Variants in DLC1 observed in about 807,000 individuals in gnomAD.
DLC1 encodes rho GTPase-activating protein 7.
In DLC1, 54 loss-of-function variants were observed where a neutral mutation model predicts 140.3. The observed-to-expected ratio is 0.38, with a 90% CI of 0.31 to 0.48. DLC1 has a LOEUF of 0.48. Ranked by LOEUF, DLC1 falls within the 20% of genes least tolerant of loss-of-function variation. DLC1 has a pLI of 0.96. For synonymous variants in DLC1, 986 were observed against 728.1 expected, an observed-to-expected ratio of 1.35 and a Z score of -5.70; for missense variants, 2,536 against 1,907.0, an observed-to-expected ratio of 1.33 and a Z score of -6.14.
At chr8:13,473,480 C>G (rs1158905544) in intron 2 of DLC1, among the ~76,000 whole-genome samples, 1 of 152,024 alleles carries the variant, frequency 6.6e-6, no homozygotes, top group African/African-American at 2.4e-5. Flanking sequence ...TAAATTGGTA[C>G]CAGTAGAGCG....
chr8:13,284,400 G>A (rs565781685), intron 5 of DLC1, among the ~76,000 whole-genome samples: 3 of 152,116 alleles, frequency 2.0e-5, no homozygotes, highest in South Asian at 2.1e-4. Flanking sequence ...GGTGGCGGGC[G>A]CCTGTAATCC....
rs1554509370 is a variant in DLC1 at position 13,382,529 on chromosome 8, A to ATGAAAG, written c.1314+11023_1314+11024insCTTTCA. 2.7e-5 allele frequency among the ~76,000 whole-genome samples: 3 copies of ATGAAAG among 109,432 alleles called. 1 individual carries two copies. The allele number at this position is 109,432 out of a possible 152,430, so 71.8% of individuals were successfully genotyped here. ...TCAAAAAAAAAAAAAAAAAAAAAAA[A>ATGAAAG]AAAGAAAGAGGAGACAGATAAGCTA... On this transcript the variant is annotated intron_variant, in intron 4 of 17. Coordinates refer to ENST00000276297, the MANE Select transcript of DLC1 (RefSeq NM_182643.3).
At chr8:13,530,540 G>A (rs992932123) in intron 1 of DLC1, among the ~76,000 whole-genome samples, 17 of 152,196 alleles carry the variant, frequency 1.1e-4, no homozygotes, top group African/African-American at 4.1e-4. Context: ...TACATGTGTA[G>A]TATATCCTTG....
chr8:13,438,086 A>G lies in DLC1; in HGVS notation c.1024-36467T>C, dbSNP rs535885044. ...AAAATTAACATGTTTTTCTCTTTCAATACTTTTCTCTAAAGCAATGGTTCT... is the reference window on the plus strand; with the variant it reads ...AAAATTAACATGTTTTTCTCTTTCAGTACTTTTCTCTAAAGCAATGGTTCT... On this transcript the variant is annotated intron_variant, in intron 2 of 17. Coordinates refer to ENST00000276297, the MANE Select transcript of DLC1 (RefSeq NM_182643.3). Among the ~76,000 whole-genome samples the G allele has an allele frequency of 3.3e-5, 5 of 151,202 alleles. 1 individual carries two copies. The South Asian group carries it at 6.3e-4, about 19-fold the overall frequency.
At chr8:13,298,034 G>A (rs964150154) in intron 5 of DLC1, among the ~76,000 whole-genome samples, 1 of 151,974 alleles carries the variant, frequency 6.6e-6, no homozygotes, top group African/African-American at 2.4e-5. Flanking sequence ...TTTCCCTTAC[G>A]CATTTGTCAC....
chr8:13,429,364 T>C (rs1838754893), intron 2 of DLC1, among the ~76,000 whole-genome samples: 1 of 152,238 alleles, frequency 6.6e-6, no homozygotes, highest in South Asian at 2.1e-4. Flanking sequence ...TTGAGTTTTA[T>C]GCAATGTAAG....
At chr8:13,098,718 T>A in intron 9 of DLC1, 143 bp from the exon 10 acceptor site, 1 of 856,564 alleles carries the variant, frequency 1.2e-6, no homozygotes, top group Non-Finnish European at 1.7e-6. Context: ...TCAGCTCAAG[T>A]GATCCTCCTG....
intron 4 of DLC1, among the ~76,000 whole-genome samples, chr8:13,385,789 A>G (rs575967374): frequency 9.2e-5 from 14 of 152,324 alleles, no homozygotes; most frequent in African/African-American, 3.4e-4. Context: ...AAACCTTTCA[A>G]TGACTTTAAC....
At chr8:13,435,932 C>T (rs975617144) in intron 2 of DLC1, among the ~76,000 whole-genome samples, 18 of 152,134 alleles carry the variant, frequency 1.2e-4, no homozygotes, top group Non-Finnish European at 2.5e-4. Flanking sequence ...CAGTCAGCTG[C>T]ATCAATATCA....
intron 5 of DLC1, among the ~76,000 whole-genome samples, chr8:13,272,087 T>G (rs1830955910): frequency 6.6e-6 from 1 of 152,234 alleles, no homozygotes; most frequent in South Asian, 2.1e-4. Flanking sequence ...AAGAAATCCC[T>G]TCTTTTAAAA....
intron 10 of DLC1, among the ~76,000 whole-genome samples, chr8:13,097,742 T>C (rs1391878846): frequency 6.6e-6 from 1 of 151,854 alleles, no homozygotes; most frequent in Non-Finnish European, 1.5e-5. Flanking sequence ...GGGAAGGAGG[T>C]GCCTATACCA....
At chr8:13,277,781 T>C (rs1434698266) in intron 5 of DLC1, among the ~76,000 whole-genome samples, 1 of 152,178 alleles carries the variant, frequency 6.6e-6, no homozygotes, top group East Asian at 1.9e-4. Context: ...TAAAGGCCAG[T>C]TCATAACCTT....
At chr8:13,304,509 A>G (rs896141979) in intron 5 of DLC1, 4 of 293,956 alleles carry the variant, frequency 1.4e-5, no homozygotes, top group Non-Finnish European at 2.0e-5. Context: ...GCTTTAGTGT[A>G]AAGGCACTTG....
chr8:13,453,436 A>ATTTTTTTTTTTTTTTTTTTTTT (rs1461156619), intron 2 of DLC1, among the ~76,000 whole-genome samples: 5 of 24,386 alleles, frequency 2.1e-4, no homozygotes, highest in African/African-American at 9.2e-4. Flanking sequence ...GTATATATAT[A>ATTTTTTTTTTTTTTTTTTTTTT]TGTATATATA....
At chr8:13,603,254 A>T (rs1447756328) in intron 1 of DLC1, among the ~76,000 whole-genome samples, 1 of 151,882 alleles carries the variant, frequency 6.6e-6, no homozygotes, top group African/African-American at 2.4e-5. Context: ...ATATCAGTTC[A>T]TTCTGAGTAT....
At chr8:13,401,147 A>G (rs1837276228) in intron 3 of DLC1, among the ~76,000 whole-genome samples, 1 of 152,224 alleles carries the variant, frequency 6.6e-6, no homozygotes, top group African/African-American at 2.4e-5. Flanking sequence ...GCTTGCTAAC[A>G]GAGTCTCTCT....
intron 2 of DLC1, among the ~76,000 whole-genome samples, chr8:13,492,235 G>T (rs1340195488): frequency 6.6e-6 from 1 of 151,970 alleles, no homozygotes; most frequent in Non-Finnish European, 1.5e-5. Context: ...GGCTGGCTCT[G>T]GTCATCACCT....
At chr8:13,222,801 C>T (rs182573895) in intron 5 of DLC1, among the ~76,000 whole-genome samples, 17 of 152,172 alleles carry the variant, frequency 1.1e-4, no homozygotes, top group Admixed American at 1.0e-3. Flanking sequence ...TGGAGTGCAG[C>T]GATGCAATCA....
chr8:13,383,024 A>T (rs1836344850), intron 4 of DLC1, among the ~76,000 whole-genome samples: 1 of 152,234 alleles, frequency 6.6e-6, no homozygotes, highest in Non-Finnish European at 1.5e-5. Context: ...TCAAAAGTTC[A>T]GAGATAGTGA....
Sources: allele counts gnomAD v4.1 joint callset (sites outside exome capture counted in the v4.1 genomes callset), GRCh38; gene constraint gnomAD v4.1.1; transcripts MANE v1.5; gene names NCBI Gene and HGNC (gene_info 2026-07-23, HGNC 2026-07-21).